Variants in PRKG2 observed in about 807,000 individuals in gnomAD.
PRKG2 encodes the protein cGMP-dependent protein kinase 2.
Under a neutral mutation model 97.2 loss-of-function variants are expected in PRKG2, and 33 were observed. The observed-to-expected ratio is 0.34, with a 90% CI of 0.26 to 0.45. The LOEUF (loss-of-function observed/expected upper bound fraction) is 0.45, where lower values mean the gene tolerates loss of function less well. Among genes scored for constraint, PRKG2 ranks in the 20% least tolerant of loss-of-function variants. The pLI is 1.00. For missense variants in PRKG2, 638 were observed against 900.0 expected, an observed-to-expected ratio of 0.71 and a Z score of 3.73; for synonymous variants, 330 against 321.8, an observed-to-expected ratio of 1.03 and a Z score of -0.27.
intron 15 of PRKG2, among the ~76,000 whole-genome samples, chr4:81,109,892 A>C (rs995857366): frequency 6.6e-6 from 1 of 152,198 alleles, no homozygotes; most frequent in African/African-American, 2.4e-5. Flanking sequence ...TGACAATTCA[A>C]TTTTCACTGC....
intron 2 of PRKG2, among the ~76,000 whole-genome samples, chr4:81,179,628 A>G (rs1751234648): frequency 6.6e-6 from 1 of 152,198 alleles, no homozygotes; most frequent in African/African-American, 2.4e-5. Flanking sequence ...ATTTATTAAA[A>G]AGCAATAATA....
At chr4:81,203,287 C>G (rs942041321) in intron 2 of PRKG2, among the ~76,000 whole-genome samples, 3 of 151,750 alleles carry the variant, frequency 2.0e-5, no homozygotes, top group Non-Finnish European at 2.9e-5. Context: ...TGCTGAAATC[C>G]AATATTAATC....
intron 2 of PRKG2, among the ~76,000 whole-genome samples, chr4:81,180,736 G>T (rs1454369862): frequency 5.3e-5 from 8 of 152,070 alleles, no homozygotes; most frequent in Admixed American, 5.2e-4. Context: ...TTAGTAAATA[G>T]ATCTGAATAT....
chr4:81,192,597 T>C (rs1182440886), intron 2 of PRKG2, among the ~76,000 whole-genome samples: 2 of 152,202 alleles, frequency 1.3e-5, no homozygotes, highest in African/African-American at 2.4e-5. Flanking sequence ...CTCTCATCTA[T>C]GAATAGGCAT....
intron 14 of PRKG2, among the ~76,000 whole-genome samples, chr4:81,118,530 C>A (rs1744773871): frequency 6.6e-6 from 1 of 152,192 alleles, no homozygotes; most frequent in South Asian, 2.1e-4. Context: ...CTTTGATTTG[C>A]AATTCCCGAA....
rs1479565789 is a variant in PRKG2 at position 81,188,220 on chromosome 4, A to G, written c.462-13261T>C. Among the ~76,000 whole-genome samples the G allele has an allele frequency of 2.7e-3, 409 of 149,210 alleles. 2 individuals carry two copies. The highest frequency in any genetic ancestry group is 0.01 in the African/African-American group (388 of 38,626). ...ATCAAACAGTGGGTGAAGGACATGA[A>G]CAGACACTTCTCAAAAGAAGACATT... On this transcript the variant is annotated intron_variant, in intron 2 of 18. Transcript: ENST00000264399.
intron 3 of PRKG2, among the ~76,000 whole-genome samples, chr4:81,173,113 G>GGAA (rs1472080192): frequency 6.6e-6 from 1 of 151,992 alleles, no homozygotes; most frequent in African/African-American, 2.4e-5. Flanking sequence ...AGAATTATAT[G>GGAA]GAATATCAAA....
chr4:81,212,983 T>C (rs1344127544), intron 1 of PRKG2, among the ~76,000 whole-genome samples: 4 of 152,174 alleles, frequency 2.6e-5, no homozygotes, highest in African/African-American at 9.7e-5. Flanking sequence ...CTTAGGAGGC[T>C]TGAAGGAAAG....
intron 14 of PRKG2, among the ~76,000 whole-genome samples, chr4:81,121,269 G>T (rs11945532): frequency 0.039 from 5,930 of 151,796 alleles, 406 homozygotes; most frequent in African/African-American, 0.14. Flanking sequence ...TTTTTTCCTG[G>T]AATGTCTATG....
intron 2 of PRKG2, among the ~76,000 whole-genome samples, chr4:81,191,123 T>TAC (rs78038236): frequency 0.23 from 34,627 of 151,880 alleles, 7,819 homozygotes; most frequent in African/African-American, 0.58. Flanking sequence ...ACTATAAAGA[T>TAC]ACACACACAC....
intron 2 of PRKG2, among the ~76,000 whole-genome samples, chr4:81,200,778 G>T (rs1207114957): frequency 6.6e-6 from 1 of 152,142 alleles, no homozygotes; most frequent in East Asian, 1.9e-4. Context: ...TTAAATTTAA[G>T]TCAGAGATCA....
At chr4:81,124,115 T>G (rs538511293) in intron 14 of PRKG2, among the ~76,000 whole-genome samples, 1 of 152,344 alleles carries the variant, frequency 6.6e-6, no homozygotes, top group South Asian at 2.1e-4. Context: ...ATCCTTTGTA[T>G]GTAGAAGTAA....
chr4:81,186,878 A>G (rs1751929563), intron 2 of PRKG2, among the ~76,000 whole-genome samples: 1 of 152,180 alleles, frequency 6.6e-6, no homozygotes, highest in Non-Finnish European at 1.5e-5. Context: ...AATCTAGAAG[A>G]AATGGATAAA....
rs1284189763 is a variant in PRKG2 at position 81,153,695 on chromosome 4, G to A, written c.939C>T (p.Ile313=). 2 of 1,606,820 alleles carry A rather than the reference G, an allele frequency of 1.2e-6. No individual in the cohort carries two copies. The highest frequency in any genetic ancestry group is 1.7e-6 in the Non-Finnish European group (2 of 1,173,474). The change falls in exon 7 of 19, where the codon ATC becomes ATT. Residue 313 remains isoleucine, a synonymous_variant. Coordinates refer to ENST00000264399, the MANE Select transcript of PRKG2 (RefSeq NM_006259.3). ...EVEYYDKGDY[I]IREGEEGSTF... ...TACTTCCTTCCTCGCCCTCTCTAAT[G>A]ATGTAATCTCCTTTGTCATAGTATT...
At chr4:81,173,119 T>C (rs1750637803) in intron 3 of PRKG2, among the ~76,000 whole-genome samples, 1 of 152,158 alleles carries the variant, frequency 6.6e-6, no homozygotes, top group Non-Finnish European at 1.5e-5. Flanking sequence ...ATATGGAATA[T>C]CAAAAGTTAA....
intron 4 of PRKG2, among the ~76,000 whole-genome samples, chr4:81,170,581 G>C (rs1750374880): frequency 2.0e-5 from 3 of 152,054 alleles, no homozygotes; most frequent in Admixed American, 6.6e-5. Context: ...GTTGGGAGTA[G>C]AGACCCAAAA....
chr4:81,117,181 C>T (rs1463013897), intron 14 of PRKG2, among the ~76,000 whole-genome samples: 2 of 151,496 alleles, frequency 1.3e-5, no homozygotes, highest in African/African-American at 2.4e-5. Context: ...TTTGTAGAGA[C>T]GGGGTTTCAC....
chr4:81,170,111 T>C (rs1449054109), intron 4 of PRKG2, among the ~76,000 whole-genome samples: 3 of 152,116 alleles, frequency 2.0e-5, no homozygotes, highest in African/African-American at 7.2e-5. Flanking sequence ...AGAAAGGCAG[T>C]CAATTTGTAG....
intron 3 of PRKG2, among the ~76,000 whole-genome samples, chr4:81,172,528 C>T (rs981918852): frequency 3.9e-5 from 6 of 152,102 alleles, no homozygotes; most frequent in South Asian, 2.1e-4. Flanking sequence ...GTGTTTGGCA[C>T]TTATTACCTG....
Sources: gnomAD v4.1 joint callset for allele counts (sites outside exome capture counted in the v4.1 genomes callset) on GRCh38, gnomAD v4.1.1 for gene constraint, MANE v1.5 for transcripts, NCBI Gene and HGNC (gene_info 2026-07-23, HGNC 2026-07-21) for gene names.